The following TSC2 variants were observed in gnomAD, a reference collection of about 807,000 sequenced individuals.
TSC2 encodes the protein tuberin.
TSC2 carries 29 observed loss-of-function variants against 202.2 expected under a neutral mutation model. The ratio of observed to expected loss-of-function variants is 0.14; its 90% confidence interval spans 0.11 to 0.20. The LOEUF is 0.20. TSC2 is among the 10% of genes least tolerant of loss of function. TSC2 has a pLI of 1.00. For missense variants in TSC2, 2,429 were observed against 2,420.0 expected (o/e 1.00, Z -0.08); for synonymous variants, 1,349 against 1,044.0 (o/e 1.29, Z -5.63).
At chr16:2,086,697 G>A (rs1420931461) in intron 37 of TSC2, 35 bp from the exon 38 acceptor site, 3 of 1,605,848 alleles carry the variant, frequency 1.9e-6, no homozygotes, top group Non-Finnish European at 2.5e-6. Flanking sequence ...CTCAGCACTG[G>A]CCCCACAAAC....
chr16:2,058,251 C>T (rs1271060244), intron 9 of TSC2, among the ~76,000 whole-genome samples: 9 of 152,210 alleles, frequency 5.9e-5, no homozygotes, highest in African/African-American at 1.9e-4. Flanking sequence ...TTGCCTTCTC[C>T]CCTCCACCAA....
chr16:2,049,480 A>C (rs891746365), intron 2 of TSC2, among the ~76,000 whole-genome samples: 1 of 152,162 alleles, frequency 6.6e-6, no homozygotes, highest in Non-Finnish European at 1.5e-5. Flanking sequence ...TGCACTTGTA[A>C]AGTTTTCTAC....
intron 14 of TSC2, 172 bp from the exon 15 acceptor site, chr16:2,064,100 C>T (rs2086980006): frequency 2.8e-6 from 3 of 1,053,094 alleles, no homozygotes; most frequent in Admixed American, 1.7e-5. Context: ...CTGGAAGGGG[C>T]CCCGGGGTCT....
chr16:2,062,625 C>T (rs771176300), intron 13 of TSC2, 25 bp downstream of exon 13: 1 of 1,583,256 alleles, frequency 6.3e-7, no homozygotes, highest in Non-Finnish European at 8.6e-7. Context: ...GTAGCCTTGC[C>T]TGGCACCTGG....
intron 3 of TSC2, among the ~76,000 whole-genome samples, chr16:2,051,867 C>G (rs2085167110): frequency 6.6e-6 from 1 of 152,182 alleles, no homozygotes; most frequent in Non-Finnish European, 1.5e-5. Flanking sequence ...GAGTTCGAGA[C>G]CCGCCTGGCC....
intron 26 of TSC2, 44 bp from the exon 27 acceptor site, chr16:2,078,988 G>A (rs568534488): frequency 4.0e-5 from 65 of 1,609,958 alleles, no homozygotes; most frequent in Non-Finnish European, 4.2e-5. Flanking sequence ...GGCTCGGCCC[G>A]CCCTACCTGG....
At chr16:2,048,523 C>A (rs1417755102) in intron 1 of TSC2, 64 bp from the exon 2 acceptor site, 1 of 1,601,592 alleles carries the variant, frequency 6.2e-7, no homozygotes, top group South Asian at 1.1e-5. Context: ...GGCTGGAGGT[C>A]CGCAGTGGGG....
chr16:2,061,075 G>A (rs182830928), intron 11 of TSC2: 9 of 516,380 alleles, frequency 1.7e-5, no homozygotes, highest in Admixed American at 6.4e-5. Flanking sequence ...TCCACAGTCC[G>A]CAGAGTGACC....
intron 2 of TSC2, among the ~76,000 whole-genome samples, chr16:2,050,042 G>A (rs1464098575): frequency 3.5e-5 from 5 of 144,152 alleles, no homozygotes; most frequent in South Asian, 2.2e-4. Flanking sequence ...TGCAATCTCC[G>A]CCTCCTGGGT....
chr16:2,089,358 C>CG lies in TSC2; in HGVS notation c.*750dup, dbSNP rs1013795627. ...AGGTAATAACTTAGGGGCAGGGTGG[C>CG]GGCGGTGCAGGCTAACCCTCCCTGA... On this transcript the variant is annotated 3_prime_UTR_variant, in exon 42 of 42. Coordinates refer to ENST00000219476, the MANE Select transcript of TSC2 (RefSeq NM_000548.5). 5.7e-6 allele frequency: 2 copies of CG among 353,390 alleles called. No individual in the cohort carries two copies. Among genetic ancestry groups the CG allele is most frequent in the African/African-American group, 4.1e-5 (2 of 48,212 alleles). 21.9% of individuals were successfully genotyped at this position (353,390 alleles called of 1,614,324 possible).
intron 19 of TSC2, 49 bp from the exon 20 acceptor site, chr16:2,072,192 T>C (rs895225335): frequency 4.3e-6 from 7 of 1,612,268 alleles, no homozygotes; most frequent in African/African-American, 4.0e-5. Flanking sequence ...CTTCCGCCTC[T>C]GTCTCTAGGG....
chr16:2,065,606 G>A lies in TSC2; in HGVS notation c.1687G>A (p.Ala563Thr), dbSNP rs2151209784. Residue 563 changes from alanine (A) to threonine (T), a missense_variant, in exon 16 of 42, where the codon GCC becomes ACC. Coordinates refer to ENST00000219476, the MANE Select transcript of TSC2 (RefSeq NM_000548.5). ...YSASLEDVKT[A>T]VLGLLVILQT... is the part of the protein sequence containing the mutation. ...GGCCTCCTTGGAGGATGTGAAGACA[G>A]CCGTCCTGGGGCTTCTGGTCATCCT... The A allele has an allele frequency of 1.2e-6, 2 of 1,613,766 alleles. No homozygotes were observed. Among genetic ancestry groups the A allele is most frequent in the Non-Finnish European group, 1.7e-6 (2 of 1,180,004 alleles).
intron 14 of TSC2, 120 bp from the exon 15 acceptor site, chr16:2,064,152 G>A: frequency 3.9e-6 from 6 of 1,519,740 alleles, no homozygotes; most frequent in African/African-American, 1.4e-5. Flanking sequence ...CTGCCCAGCT[G>A]TGCTGAAGTC....
rs2151382181 is a variant in TSC2 at position 2,075,888 on chromosome 16, T to C, written c.2635T>C (p.Ser879Pro). 1 of 1,613,024 alleles carries C rather than the reference T, an allele frequency of 6.2e-7. No homozygotes were observed. The highest frequency in any genetic ancestry group is 1.3e-5 in the African/African-American group (1 of 75,018). Residue 879 changes from serine to proline, a missense_variant, in exon 23 of 42, where the codon TCC (serine) becomes CCC (proline). Ser to Pro is a moderately conservative substitution (Grantham distance 74). Coordinates refer to ENST00000219476, the MANE Select transcript of TSC2 (RefSeq NM_000548.5). Reference sequence around the variant, plus strand: ...CATCTCCCTGCCGTACACCAACCCCTCCAAGTGAGTGGTCGCCCCAGGCCC... The same window carrying C: ...CATCTCCCTGCCGTACACCAACCCCCCCAAGTGAGTGGTCGCCCCAGGCCC... Reference protein sequence around the residue: ...FAISLPYTNPSKFNQYIVCLA... With the variant: ...FAISLPYTNPPKFNQYIVCLA...
At chr16:2,081,498 G>C (rs2090136502) in intron 30 of TSC2, 97 bp from the exon 31 acceptor site, 1 of 1,508,580 alleles carries the variant, frequency 6.6e-7, no homozygotes, top group Non-Finnish European at 9.2e-7. Context: ...GGGAGCATGA[G>C]GGCAAAACCA....
chr16:2,048,149 G>A (rs2084584703), intron 1 of TSC2, 84 bp downstream of exon 1: 4 of 1,530,522 alleles, frequency 2.6e-6, no homozygotes, highest in Admixed American at 2.0e-5. Context: ...TCCGGGTCCC[G>A]GGCCCTCACC....
rs754375630 is a variant in TSC2 at position 2,072,231 on chromosome 16, C to A, written c.2098-10C>A. The A allele has an allele frequency of 2.5e-6, 4 of 1,613,988 alleles. No individual in the cohort carries two copies. The South Asian group carries it at 4.4e-5, about 18-fold the overall frequency. ...AGAAGGCCCTGTCCTGACGCCTCCT[C>A]TCCTCGCAGGAGTCTGACTGGAAGG... On this transcript the variant is annotated splice_polypyrimidine_tract_variant and intron_variant, in intron 19 of 41. Coordinates refer to ENST00000219476, the MANE Select transcript of TSC2 (RefSeq NM_000548.5).
intron 3 of TSC2, among the ~76,000 whole-genome samples, chr16:2,051,790 C>T (rs767503067): frequency 1.4e-4 from 22 of 152,150 alleles, no homozygotes; most frequent in Non-Finnish European, 2.2e-4. Flanking sequence ...CTTAGCCGGG[C>T]GCAGTGGTTC....
intron 15 of TSC2, chr16:2,064,630 C>T (rs2087069077): frequency 5.2e-6 from 4 of 769,892 alleles, no homozygotes; most frequent in Middle Eastern, 3.7e-4. Context: ...AAGTCCTGGA[C>T]ATGGGTGTCC....
Sources: allele counts gnomAD v4.1 joint callset (sites outside exome capture counted in the v4.1 genomes callset), GRCh38; gene constraint gnomAD v4.1.1; transcripts MANE v1.5; gene names NCBI Gene and HGNC (gene_info 2026-07-23, HGNC 2026-07-21).